The following FHIT variants were observed in gnomAD, a reference collection of about 807,000 sequenced individuals.
FHIT encodes the protein bis(5'-adenosyl)-triphosphatase.
Under a neutral mutation model 17.9 loss-of-function variants are expected in FHIT, and 19 were observed. The ratio of observed to expected loss-of-function variants is 1.06; its 90% CI spans 0.74 to 1.56. The LOEUF (loss-of-function observed/expected upper bound fraction) is 1.56, where lower values mean the gene tolerates loss of function less well. Among genes scored for constraint, FHIT ranks in the 40% most tolerant of loss-of-function variants. The pLI is 0.00. For synonymous variants in FHIT, 81 were observed against 69.7 expected, an observed-to-expected ratio of 1.16 and a Z score of -0.81; for missense variants, 248 against 189.2, an observed-to-expected ratio of 1.31 and a Z score of -1.82.
chr3:59,886,238 C>T (rs1703618003), intron 8 of FHIT: 1 of 152,268 alleles, frequency 6.6e-6, no homozygotes, highest in African/African-American at 2.4e-5. Context: ...ACTTCACTCG[C>T]TCATTCCCAG....
chr3:59,852,826 T>C (rs765814813), intron 8 of FHIT, among the ~76,000 whole-genome samples: 3 of 152,184 alleles, frequency 2.0e-5, no homozygotes, highest in Non-Finnish European at 4.4e-5. Flanking sequence ...TACATTTAAG[T>C]TTCCGCCATG....
intron 4 of FHIT, among the ~76,000 whole-genome samples, chr3:60,636,259 T>C (rs1211746882): frequency 6.6e-6 from 1 of 152,074 alleles, no homozygotes; most frequent in Non-Finnish European, 1.5e-5. Flanking sequence ...TTAGTAGAGA[T>C]GGGGTTTCAC....
At chr3:60,938,283 T>C (rs9827976) in intron 3 of FHIT, among the ~76,000 whole-genome samples, 54,421 of 152,030 alleles carry the variant, frequency 0.36, 10,819 homozygotes, top group Middle Eastern at 0.47. Context: ...TGTAGAATGC[T>C]GTATGAGGAA....
chr3:60,735,662 A>G (rs562831226), intron 4 of FHIT, among the ~76,000 whole-genome samples: 2 of 152,286 alleles, frequency 1.3e-5, no homozygotes, highest in Non-Finnish European at 2.9e-5. Context: ...TGATAGAGAC[A>G]TATTTCTGAT....
intron 8 of FHIT, among the ~76,000 whole-genome samples, chr3:59,760,935 T>C (rs1219188126): frequency 6.6e-6 from 1 of 152,008 alleles, no homozygotes; most frequent in Non-Finnish European, 1.5e-5. Flanking sequence ...CACTTCCGCC[T>C]CCTAAAGTGC....
intron 5 of FHIT, among the ~76,000 whole-genome samples, chr3:60,127,262 CCAG>C (rs1317863012): frequency 6.6e-6 from 1 of 152,178 alleles, no homozygotes; most frequent in East Asian, 1.9e-4. Flanking sequence ...TAATGAGTAC[CCAG>C]ACCTTTAGAT....
intron 5 of FHIT, among the ~76,000 whole-genome samples, chr3:60,533,062 C>T (rs1286069698): frequency 2.0e-5 from 3 of 152,154 alleles, no homozygotes; most frequent in African/African-American, 4.8e-5. Flanking sequence ...CACAAATTAA[C>T]ATGTAAAGAA....
intron 4 of FHIT, among the ~76,000 whole-genome samples, chr3:60,619,599 GCAAAAAA>G (rs1424362926): frequency 3.1e-5 from 1 of 32,174 alleles, no homozygotes; most frequent in African/African-American, 1.4e-4. Flanking sequence ...ATACCCACAT[GCAAAAAA>G]AAAAAAAAAA....
intron 5 of FHIT, among the ~76,000 whole-genome samples, chr3:60,533,736 G>A (rs1295153086): frequency 2.6e-5 from 4 of 152,140 alleles, no homozygotes; most frequent in Admixed American, 2.6e-4. Flanking sequence ...ACATATTCAG[G>A]GAACAGCCGG....
intron 5 of FHIT, among the ~76,000 whole-genome samples, chr3:60,356,753 C>CAAAAAAAAAAAAAAAAAAAAAAAAA (rs57588436): frequency 1.5e-4 from 9 of 58,676 alleles, no homozygotes; most frequent in Non-Finnish European, 2.1e-4. Context: ...AAGACAGAGA[C>CAAAAAAAAAAAAAAAAAAAAAAAAA]AAAAAAAAAA....
At chr3:59,832,780 G>A (rs76648405) in intron 8 of FHIT, among the ~76,000 whole-genome samples, 8,090 of 152,240 alleles carry the variant, frequency 0.053, 266 homozygotes, top group Non-Finnish European at 0.075. Context: ...CATCATGTGC[G>A]CAAGTGAATC....
intron 3 of FHIT, among the ~76,000 whole-genome samples, chr3:60,980,413 A>G (rs890361154): frequency 1.3e-5 from 2 of 152,256 alleles, no homozygotes; most frequent in Non-Finnish European, 2.9e-5. Context: ...GAAAATAAGT[A>G]CAGTGAGTTG....
intron 3 of FHIT, among the ~76,000 whole-genome samples, chr3:60,857,978 G>C (rs184715286): frequency 6.6e-6 from 1 of 152,276 alleles, no homozygotes; most frequent in African/African-American, 2.4e-5. Context: ...CTTAACAATT[G>C]TTAGGTAGTA....
intron 4 of FHIT, among the ~76,000 whole-genome samples, chr3:60,724,747 C>A (rs112696061): frequency 0.063 from 9,287 of 148,240 alleles, 450 homozygotes; most frequent in African/African-American, 0.13. Flanking sequence ...CTCCCAGGTT[C>A]AAGCAGTTCT....
intron 5 of FHIT, among the ~76,000 whole-genome samples, chr3:60,190,670 C>T (rs1204497478): frequency 6.6e-5 from 10 of 151,756 alleles, no homozygotes; most frequent in East Asian, 1.9e-4. Flanking sequence ...TGCTAAATGA[C>T]GAGTTAATGG....
intron 1 of FHIT, among the ~76,000 whole-genome samples, chr3:61,226,345 C>T (rs2039970398): frequency 6.6e-6 from 1 of 152,020 alleles, no homozygotes; most frequent in Non-Finnish European, 1.5e-5. Flanking sequence ...GATGAGTTGC[C>T]CTTCACAAAG....
chr3:60,887,660 A>G (rs1196081023), intron 3 of FHIT, among the ~76,000 whole-genome samples: 1 of 151,898 alleles, frequency 6.6e-6, no homozygotes, highest in South Asian at 2.1e-4. Flanking sequence ...ACAAAAAACA[A>G]AAAAAAAGAG....
chr3:59,986,758 A>AAATATATAAATGTATTTATAT (rs1708974399), intron 7 of FHIT, among the ~76,000 whole-genome samples: 1 of 33,888 alleles, frequency 3.0e-5, no homozygotes, highest in Non-Finnish European at 5.8e-5. Flanking sequence ...ATATATATAT[A>AAATATATAAATGTATTTATAT]AATATATTTA....
At chr3:61,005,585 T>C (rs1267301791) in intron 3 of FHIT, among the ~76,000 whole-genome samples, 1 of 152,160 alleles carries the variant, frequency 6.6e-6, no homozygotes, top group African/African-American at 2.4e-5. Context: ...GGTTTCAGTA[T>C]ATAGTTGAAG....
Sources: allele counts gnomAD v4.1 joint callset (sites outside exome capture counted in the v4.1 genomes callset), GRCh38; gene constraint gnomAD v4.1.1; transcripts MANE v1.5; gene names NCBI Gene and HGNC (gene_info 2026-07-23, HGNC 2026-07-21).